The following SKAP2 variants were observed in gnomAD, a reference collection of about 807,000 sequenced individuals.
SKAP2 encodes src kinase-associated phosphoprotein 2.
SKAP2 carries 28 observed loss-of-function variants against 54.9 expected under a neutral mutation model. The observed-to-expected ratio is 0.51, with a 90% CI of 0.38 to 0.70. The LOEUF is 0.70. Ranked by LOEUF, SKAP2 falls within the 30% of genes least tolerant of loss-of-function variation. SKAP2 has a pLI of 0.00. For synonymous variants in SKAP2, 137 were observed against 134.3 expected (o/e 1.02, Z -0.14); for missense variants, 356 against 424.1 (o/e 0.84, Z 1.41).
chr7:26,678,660 C>T (rs1484619080), intron 11 of SKAP2, among the ~76,000 whole-genome samples: 1 of 151,952 alleles, frequency 6.6e-6, no homozygotes, highest in East Asian at 1.9e-4. Flanking sequence ...AGGTTGGTCT[C>T]GAACTCCTGA....
At chr7:26,742,862 A>G (rs898458666) in intron 4 of SKAP2, among the ~76,000 whole-genome samples, 3 of 152,192 alleles carry the variant, frequency 2.0e-5, no homozygotes, top group Admixed American at 6.5e-5. Flanking sequence ...AAAATCTGTT[A>G]TAATATATAA....
rs770208860 is a variant in SKAP2 at position 26,690,342 on chromosome 7, G to A, written c.817C>T (p.Pro273Ser). 8 of 1,611,012 alleles carry A rather than the reference G, an allele frequency of 5.0e-6. No individual in the cohort carries two copies. The highest frequency in any genetic ancestry group is 4.0e-5 in the African/African-American group (3 of 74,866). Residue 273 changes from proline to serine, a missense_variant, in exon 10 of 13, where the codon CCA (proline) becomes TCA (serine). By Grantham distance (74) the Pro-to-Ser change is moderately conservative (BLOSUM62 -1). Transcript: ENST00000345317. ...ELPEEEEDSA[P>S]VKVEEQRKMS... ...TTCCTTTGTTCTTCCACTTTCACTG[G>A]AGCACTGTCCTCTTCTTCTTCTGTA...
chr7:26,811,564 AT>A (rs1784146199), intron 4 of SKAP2, among the ~76,000 whole-genome samples: 2 of 152,148 alleles, frequency 1.3e-5, no homozygotes, highest in Non-Finnish European at 2.9e-5. Flanking sequence ...AAAGAACACC[AT>A]TTTGTACATT....
At chr7:26,771,913 AT>A (rs1479859731) in intron 4 of SKAP2, among the ~76,000 whole-genome samples, 5 of 152,238 alleles carry the variant, frequency 3.3e-5, no homozygotes, top group Admixed American at 6.5e-5. Context: ...ATAGGCAGGT[AT>A]GGGCACAAAC....
At chr7:26,657,083 C>T in the SKAP2 span, among the ~76,000 whole-genome samples, 2 of 152,138 alleles carry the variant, frequency 1.3e-5, no homozygotes, top group African/African-American at 4.8e-5. Context: ...TAATAATAAT[C>T]ATAAAGAAAT....
intron 3 of SKAP2, among the ~76,000 whole-genome samples, chr7:26,847,693 A>G (rs1037528707): frequency 6.6e-6 from 1 of 152,172 alleles, no homozygotes; most frequent in Non-Finnish European, 1.5e-5. Context: ...TTCTATTACA[A>G]TCACACAAAA....
At chr7:26,731,444 T>C (rs1051131515) in intron 6 of SKAP2, among the ~76,000 whole-genome samples, 1 of 152,200 alleles carries the variant, frequency 6.6e-6, no homozygotes. Flanking sequence ...AAAGCTATGA[T>C]GCGTTGTTCT....
At chr7:26,837,193 G>A (rs1269245390) in intron 4 of SKAP2, among the ~76,000 whole-genome samples, 2 of 152,146 alleles carry the variant, frequency 1.3e-5, no homozygotes, top group Non-Finnish European at 2.9e-5. Flanking sequence ...CAGGGGGTTG[G>A]GGGCTAGGGG....
At chr7:26,812,959 T>A (rs1279757158) in intron 4 of SKAP2, among the ~76,000 whole-genome samples, 7 of 152,252 alleles carry the variant, frequency 4.6e-5, no homozygotes, top group Non-Finnish European at 1.0e-4. Flanking sequence ...TATAAATACC[T>A]CTGTCTTCTA....
intron 3 of SKAP2, chr7:26,848,122 T>G (rs895425804): frequency 6.6e-6 from 1 of 152,212 alleles, no homozygotes; most frequent in African/African-American, 2.4e-5. Flanking sequence ...TATTAGCCAT[T>G]CTTTCTGATA....
chr7:26,859,113 C>T (rs1246592796), intron 1 of SKAP2, among the ~76,000 whole-genome samples: 1 of 152,084 alleles, frequency 6.6e-6, no homozygotes, highest in Non-Finnish European at 1.5e-5. Flanking sequence ...AAAGGTAAAA[C>T]CAATCACACA....
intron 4 of SKAP2, among the ~76,000 whole-genome samples, chr7:26,763,305 G>C (rs1782974059): frequency 6.6e-6 from 1 of 151,910 alleles, no homozygotes; most frequent in South Asian, 2.1e-4. Flanking sequence ...TTTCTTTGTA[G>C]ACTCAGACAT....
At chr7:26,847,356 T>C (rs1784945280) in intron 3 of SKAP2, among the ~76,000 whole-genome samples, 1 of 152,106 alleles carries the variant, frequency 6.6e-6, no homozygotes, top group African/African-American at 2.4e-5. Flanking sequence ...CCCCTAATTT[T>C]TTTTTCGACC....
intron 3 of SKAP2, among the ~76,000 whole-genome samples, chr7:26,850,827 G>C (rs4722647): frequency 0.21 from 32,342 of 151,896 alleles, 3,531 homozygotes; most frequent in Non-Finnish European, 0.24. Flanking sequence ...ATTCTAAAGC[G>C]GCAATTTGTC....
At chr7:26,799,109 G>C (rs373598462) in intron 4 of SKAP2, among the ~76,000 whole-genome samples, 4 of 137,032 alleles carry the variant, frequency 2.9e-5, no homozygotes, top group Non-Finnish European at 6.6e-5. Context: ...GCAAGGCAAG[G>C]CAAGACAAGG....
chr7:26,828,550 G>A (rs372595841), intron 4 of SKAP2, among the ~76,000 whole-genome samples: 2 of 151,468 alleles, frequency 1.3e-5, no homozygotes, highest in Admixed American at 6.6e-5. Flanking sequence ...GGTGGTGGGC[G>A]CCTGTAGTCC....
chr7:26,832,545 G>A (rs944972641), intron 4 of SKAP2, among the ~76,000 whole-genome samples: 5 of 152,142 alleles, frequency 3.3e-5, no homozygotes, highest in Admixed American at 1.3e-4. Context: ...AAAGCCTTGA[G>A]CCAGGCATGC....
At chr7:26,722,184 T>C (rs561910942) in intron 9 of SKAP2, among the ~76,000 whole-genome samples, 48 of 152,312 alleles carry the variant, frequency 3.2e-4, no homozygotes, top group African/African-American at 1.0e-3. Flanking sequence ...TTTGTACATA[T>C]GTATAAATCC....
chr7:26,722,166 G>A lies in SKAP2; in HGVS notation c.796+3262C>T, dbSNP rs186264053. Among the ~76,000 whole-genome samples the A allele has an allele frequency of 8.5e-5, 13 of 152,172 alleles. No individual in the cohort carries two copies. In the East Asian group the frequency reaches 1.9e-3, roughly 23 times the overall value. Reference sequence around the variant, plus strand: ...AATACTCCCCAGAAATGGCATTCTCGCAACTCTTTTGTACATATGTATAAA... The same window carrying A: ...AATACTCCCCAGAAATGGCATTCTCACAACTCTTTTGTACATATGTATAAA... On this transcript the variant is annotated intron_variant, in intron 9 of 12. Transcript: ENST00000345317.
Sources: allele counts gnomAD v4.1 joint callset (sites outside exome capture counted in the v4.1 genomes callset), GRCh38; gene constraint gnomAD v4.1.1; transcripts MANE v1.5; gene names NCBI Gene and HGNC (gene_info 2026-07-23, HGNC 2026-07-21).